CUBN: variants seen among roughly 807,000 people sequenced by gnomAD.
CUBN encodes 460 kDa receptor.
A neutral mutation model predicts 405.3 loss-of-function variants in CUBN; 282 were observed. The ratio of observed to expected loss-of-function variants is 0.70; its 90% CI spans 0.63 to 0.77. The LOEUF is 0.77. Ranked by LOEUF, CUBN falls within the 30% of genes least tolerant of loss-of-function variation. The pLI is 0.00. For missense variants in CUBN, 4,514 were observed against 4,475.2 expected (o/e 1.01, Z -0.25); for synonymous variants, 1,684 against 1,617.0 (o/e 1.04, Z -0.99).
At position 16,906,468 on chromosome 10, in the gene CUBN, G is replaced by T. The variant is rs1317437339; in HGVS notation, c.7706-59C>A. 14 of 1,171,888 alleles carry T rather than the reference G, an allele frequency of 1.2e-5. No homozygotes were observed. In the Middle Eastern group the frequency reaches 5.8e-4, roughly 49 times the overall value. 72.6% of individuals were successfully genotyped at this position (1,171,888 alleles called of 1,614,324 possible). A position where few individuals can be genotyped will look rare whatever the true frequency, so the allele number is the denominator to read the frequency against. The stretch of plus-strand genomic sequence containing the variant: ...GTAAGATTCAGGCCACAACGGAAGA[G>T]ATAAACAATACAGGAACAGTAACTA... On this transcript the variant is annotated intron_variant, in intron 49 of 66. Transcript: ENST00000377833.
In CUBN at chr10:16,890,369, A is replaced by G. The variant is rs375789806; in HGVS notation, c.8755+2T>C. The G allele has an allele frequency of 2.6e-5, 42 of 1,612,454 alleles. No homozygotes were observed. The highest frequency in any genetic ancestry group is 8.3e-5 in the Admixed American group (5 of 59,984). On this transcript the variant is annotated splice_donor_variant, in intron 55 of 66. Transcript: ENST00000377833. LOFTEE classifies it high-confidence loss of function. ...CTGGGTTTGGTTCTTAGGGCTACTT[A>G]CGGCTAACAAAGGACGCGGAGAAGC...
chr10:17,005,747 A>G (rs924531449), intron 28 of CUBN, among the ~76,000 whole-genome samples: 3 of 152,152 alleles, frequency 2.0e-5, no homozygotes. Flanking sequence ...CTAACTCCCC[A>G]AAGTCAAGAA....
intron 29 of CUBN, among the ~76,000 whole-genome samples, chr10:16,986,108 C>T (rs184335182): frequency 2.0e-5 from 3 of 152,298 alleles, no homozygotes; most frequent in East Asian, 1.9e-4. Context: ...TTTCAAACTT[C>T]GATTTGTAAA....
intron 17 of CUBN, among the ~76,000 whole-genome samples, chr10:17,072,800 T>A (rs1202035011): frequency 1.3e-5 from 2 of 152,138 alleles, no homozygotes; most frequent in African/African-American, 2.4e-5. Context: ...ACTAAGATTT[T>A]TTTAAATGTG....
intron 27 of CUBN, among the ~76,000 whole-genome samples, chr10:17,022,771 A>T (rs1834532453): frequency 6.6e-6 from 1 of 152,220 alleles, no homozygotes; most frequent in Non-Finnish European, 1.5e-5. Flanking sequence ...GTAGTGGAGT[A>T]ATTAGCAAGC....
chr10:17,094,169 GT>G (rs1260166494), intron 14 of CUBN, among the ~76,000 whole-genome samples: 1 of 151,946 alleles, frequency 6.6e-6, no homozygotes, highest in Non-Finnish European at 1.5e-5. Flanking sequence ...AGCAGTGAGG[GT>G]GGAGAAAAAG....
At chr10:17,008,839 G>A (rs968332501) in intron 28 of CUBN, among the ~76,000 whole-genome samples, 1 of 152,224 alleles carries the variant, frequency 6.6e-6, no homozygotes, top group South Asian at 2.1e-4. Context: ...TAGAAACCAG[G>A]CCTGCTGGTC....
chr10:16,847,294 T>C (rs149958870), intron 60 of CUBN, among the ~76,000 whole-genome samples: 2,214 of 151,818 alleles, frequency 0.015, 58 homozygotes, highest in African/African-American at 0.05. Flanking sequence ...CTACTAAAAA[T>C]ACAAAAAATT....
chr10:16,928,532 C>CGTT (rs1403918589), intron 40 of CUBN, among the ~76,000 whole-genome samples: 1 of 107,122 alleles, frequency 9.3e-6, no homozygotes, highest in East Asian at 2.8e-4. Context: ...CCACCCCCCC[C>CGTT]TTTTTTTTTT....
rs142581908 is a variant in CUBN at position 16,874,485 on chromosome 10, T to C, written c.9125A>G (p.Asn3042Ser). 6.9e-4 allele frequency: 1,121 copies of C among 1,614,072 alleles called. 8 individuals carry two copies. The African/African-American group carries it at 0.011, about 16-fold the overall frequency. Residue 3042 changes from asparagine (N) to serine (S), a missense_variant, in exon 58 of 67, where the codon AAT (asparagine) becomes AGT (serine). Around this residue, in one of 5 missense-constraint regions of CUBN, gnomAD observed 1,186 missense variants for 1,186.9 expected, o/e 1.00. Transcript: ENST00000377833. ...YRIISCGGVFNFSSGIITSPA... is the reference protein window; with the variant it reads ...YRIISCGGVFSFSSGIITSPA... ...ACTTGTGATGATTCCAGAAGAGAAA[T>C]TGAACACACCACCACAGGCTGCAAC...
At chr10:17,079,009 A>T (rs922591915) in intron 17 of CUBN, among the ~76,000 whole-genome samples, 1 of 152,058 alleles carries the variant, frequency 6.6e-6, no homozygotes, top group Non-Finnish European at 1.5e-5. Context: ...CACAACTCCA[A>T]ATTAGGTGTT....
chr10:16,878,729 G>C (rs181294388), intron 56 of CUBN, among the ~76,000 whole-genome samples: 1 of 152,198 alleles, frequency 6.6e-6, no homozygotes, highest in East Asian at 1.9e-4. Context: ...CCTGTATATG[G>C]TCTCCTGCCC....
intron 14 of CUBN, among the ~76,000 whole-genome samples, chr10:17,091,675 AGAACACTCT>A (rs1167858275): frequency 6.6e-6 from 1 of 152,214 alleles, no homozygotes; most frequent in Admixed American, 6.6e-5. Flanking sequence ...TGAGGAGATC[AGAACACTCT>A]GACCAATGTT....
chr10:17,084,399 A>G lies in CUBN; in HGVS notation c.2173T>C (p.Ser725Pro), dbSNP rs1836052213. The change falls in exon 17 of 67, where the codon TCT (serine) becomes CCT (proline). Residue 725 changes from serine (S) to proline (P), a missense_variant. Around this residue, in one of 5 missense-constraint regions of CUBN, gnomAD observed 1,448 missense variants for 1,388.0 expected, o/e 1.04. Coordinates refer to ENST00000377833, the MANE Select transcript of CUBN (RefSeq NM_001081.4). ...TGCCTGGTGTGAGTGAAAGGCCCAGACAACTCAGGCAAGAAGAGTTCACCC... is the reference window on the plus strand; with the variant it reads ...TGCCTGGTGTGAGTGAAAGGCCCAGGCAACTCAGGCAAGAAGAGTTCACCC... ...PEGELFLPEL[S>P]GPFTHTRQCV... 1.9e-6 allele frequency: 3 copies of G among 1,614,104 alleles called. No individual in the cohort carries two copies. The highest frequency in any genetic ancestry group is 1.3e-5 in the African/African-American group (1 of 75,062).
chr10:16,984,318 T>C, intron 29 of CUBN, 39 bp from the exon 30 acceptor site: 1 of 1,594,754 alleles, frequency 6.3e-7, no homozygotes, highest in Non-Finnish European at 8.6e-7. Flanking sequence ...TAAAAAATAT[T>C]TTAAGCAATT....
chr10:16,881,014 A>T (rs552676105), intron 56 of CUBN, among the ~76,000 whole-genome samples: 2 of 152,374 alleles, frequency 1.3e-5, no homozygotes, highest in South Asian at 4.1e-4. Context: ...CCTTAGTTAT[A>T]ACCTCAGTAT....
chr10:16,847,517 A>C (rs1202543072), intron 60 of CUBN, among the ~76,000 whole-genome samples: 1 of 152,192 alleles, frequency 6.6e-6, no homozygotes, highest in East Asian at 1.9e-4. Context: ...CTTTAAATGT[A>C]ATTATTTAAA....
intron 16 of CUBN, 53 bp from the exon 17 acceptor site, chr10:17,084,514 G>T: frequency 2.0e-6 from 3 of 1,504,792 alleles, no homozygotes; most frequent in African/African-American, 1.4e-5. Context: ...GCTCTGGCTT[G>T]CAGGCATTGG....
intron 27 of CUBN, among the ~76,000 whole-genome samples, chr10:17,031,585 T>C (rs1487602913): frequency 6.6e-6 from 1 of 152,214 alleles, no homozygotes; most frequent in Non-Finnish European, 1.5e-5. Context: ...TATGTCTGGG[T>C]GCCTAGAAGA....
Sources: allele counts gnomAD v4.1 joint callset (sites outside exome capture counted in the v4.1 genomes callset), GRCh38; gene constraint gnomAD v4.1.1; regional missense constraint gnomAD v4.1.1; transcripts MANE v1.5; gene names NCBI Gene and HGNC (gene_info 2026-07-23, HGNC 2026-07-21).